RBKS: variants seen among roughly 807,000 people sequenced by gnomAD.
RBKS encodes the protein ribokinase.
In RBKS, 33 loss-of-function variants were observed where a neutral mutation model predicts 33.9. The observed-to-expected ratio is 0.97, with a 90% CI of 0.74 to 1.30. The LOEUF is 1.30. RBKS is among the 50% of genes most tolerant of loss of function. The pLI is 0.00. For missense variants in RBKS, 361 were observed against 392.6 expected, an observed-to-expected ratio of 0.92 and a Z score of 0.68; for synonymous variants, 125 against 143.0, an observed-to-expected ratio of 0.87 and a Z score of 0.90.
chr2:27,884,586 C>T (rs761282887), intron 1 of RBKS, among the ~76,000 whole-genome samples: 5 of 152,102 alleles, frequency 3.3e-5, no homozygotes, highest in Non-Finnish European at 5.9e-5. Flanking sequence ...TCCAATGCTT[C>T]ATCCGCTTTG....
rs1664697912 is a variant in RBKS at position 27,890,183 on chromosome 2, G to C, written c.89+74C>G. On this transcript the variant is annotated intron_variant, in intron 1 of 7. Transcript: ENST00000302188. This position sits in a 1 kb window ranked among gnomAD's most constrained non-coding sequence, Gnocchi z 4.8. ...ATCCCTGGAGACCCAGCGCCCAAAA[G>C]CTCCACTGGGCGCATAGCGCACGGC... The C allele has an allele frequency of 7.0e-7, 1 of 1,438,092 alleles. No individual in the cohort carries two copies. Among genetic ancestry groups the C allele is most frequent in the Admixed American group, 1.8e-5 (1 of 57,104 alleles). The allele number at this position is 1,438,092 out of a possible 1,614,324, so 89.1% of individuals were successfully genotyped here. A position where few individuals can be genotyped will look rare whatever the true frequency, so the allele number is the denominator to read the frequency against.
chr2:27,864,722 T>A lies in RBKS; in HGVS notation c.90-6151A>T, dbSNP rs536355391. Among the ~76,000 whole-genome samples the A allele has an allele frequency of 6.8e-4, 104 of 152,254 alleles. No individual in the cohort carries two copies. The Middle Eastern group carries it at 0.024, about 35-fold the overall frequency. On this transcript the variant is annotated intron_variant, in intron 1 of 7. Transcript: ENST00000302188. The stretch of plus-strand genomic sequence containing the variant: ...ATCAGAGACAGCATTTAAATACTTA[T>A]ACTTTAGTTCTCCAGTCCCCCACAA...
At chr2:27,855,052 G>A (rs1414756407) in intron 2 of RBKS, among the ~76,000 whole-genome samples, 19 of 113,192 alleles carry the variant, frequency 1.7e-4, no homozygotes, top group African/African-American at 5.1e-4. Context: ...ACTACCCCCC[G>A]CCCCCCCACC....
intron 2 of RBKS, among the ~76,000 whole-genome samples, chr2:27,857,573 G>A (rs1663882485): frequency 6.6e-6 from 1 of 152,172 alleles, no homozygotes. Flanking sequence ...ACTTAGAGAT[G>A]AGTAAATCAC....
At chr2:27,801,959 A>ATATATATAT (rs1178556801) in intron 7 of RBKS, among the ~76,000 whole-genome samples, 8 of 63,462 alleles carry the variant, frequency 1.3e-4, no homozygotes, top group African/African-American at 4.9e-4. Context: ...GGAAAAAAAA[A>ATATATATAT]AAAAATATAT....
chr2:27,859,721 T>C (rs1408970681), intron 1 of RBKS, among the ~76,000 whole-genome samples: 1 of 152,192 alleles, frequency 6.6e-6, no homozygotes, highest in Admixed American at 6.5e-5. Flanking sequence ...TAACTAGCTT[T>C]AGATAGGAAA....
intron 7 of RBKS, among the ~76,000 whole-genome samples, chr2:27,814,220 CTT>C (rs1166854850): frequency 6.6e-6 from 1 of 152,114 alleles, no homozygotes; most frequent in African/African-American, 2.4e-5. Context: ...GACCCGATCT[CTT>C]AAAAGAAAAA....
intron 1 of RBKS, among the ~76,000 whole-genome samples, chr2:27,862,372 G>A (rs770101565): frequency 4.6e-5 from 7 of 152,174 alleles, no homozygotes; most frequent in Non-Finnish European, 1.0e-4. Context: ...AAAAGTTTGT[G>A]TGTTATTTTA....
At chr2:27,830,261 C>T (rs1678395080) in intron 6 of RBKS, among the ~76,000 whole-genome samples, 1 of 151,844 alleles carries the variant, frequency 6.6e-6, no homozygotes, top group Non-Finnish European at 1.5e-5. Context: ...TCTATAAGAA[C>T]ATTAAGCTTT....
At chr2:27,796,144 A>G (rs1677661981) in intron 7 of RBKS, among the ~76,000 whole-genome samples, 1 of 152,178 alleles carries the variant, frequency 6.6e-6, no homozygotes, top group Admixed American at 6.5e-5. Flanking sequence ...ATCTATTTAT[A>G]CCACAAAGCT....
intron 7 of RBKS, chr2:27,809,622 C>A (rs1319768273): frequency 4.8e-6 from 1 of 206,618 alleles, no homozygotes; most frequent in East Asian, 1.3e-4. Context: ...TGTGACCCCA[C>A]TATTCTAGAC....
At chr2:27,782,709 G>A in intron 7 of RBKS, 2 of 401,452 alleles carry the variant, frequency 5.0e-6, no homozygotes, top group Non-Finnish European at 5.5e-6. Flanking sequence ...TCTTTGCCAA[G>A]TTTCTCCACT....
intron 1 of RBKS, among the ~76,000 whole-genome samples, chr2:27,873,809 T>C (rs968426895): frequency 6.6e-6 from 1 of 151,532 alleles, no homozygotes; most frequent in African/African-American, 2.4e-5. Flanking sequence ...GTACCTAATA[T>C]GTGATGTATC....
At chr2:27,817,393 T>C (rs868169531) in intron 7 of RBKS, among the ~76,000 whole-genome samples, 7 of 152,240 alleles carry the variant, frequency 4.6e-5, no homozygotes, top group African/African-American at 9.6e-5. Flanking sequence ...TCCTCCAGGT[T>C]TGATCATTCA....
rs1226848060 is a variant in RBKS at position 27,890,195 on chromosome 2, G to T, written c.89+62C>A. 5 of 1,510,880 alleles carry T rather than the reference G, an allele frequency of 3.3e-6. No homozygotes were observed. The highest frequency in any genetic ancestry group is 1.7e-5 in the Admixed American group (1 of 58,706). The allele number at this position is 1,510,880 out of a possible 1,614,324, so 93.6% of individuals were successfully genotyped here. ...CCAGCGCCCAAAAGCTCCACTGGGC[G>T]CATAGCGCACGGCACGCCTCCTCCC... On this transcript the variant is annotated intron_variant, in intron 1 of 7. Transcript: ENST00000302188. This position sits in a 1 kb window ranked among gnomAD's most constrained non-coding sequence, Gnocchi z 4.8.
At chr2:27,867,527 C>A (rs1664125744) in intron 1 of RBKS, among the ~76,000 whole-genome samples, 1 of 152,134 alleles carries the variant, frequency 6.6e-6, no homozygotes, top group Non-Finnish European at 1.5e-5. Flanking sequence ...GGGGCACATC[C>A]TTTTTATTCT....
intron 7 of RBKS, chr2:27,809,811 C>A: frequency 1.7e-6 from 1 of 590,562 alleles, no homozygotes; most frequent in Non-Finnish European, 2.5e-6. Flanking sequence ...GATTATTAAA[C>A]AGCAAAGGCA....
At chr2:27,870,805 T>C (rs909894137) in intron 1 of RBKS, 1 of 465,882 alleles carries the variant, frequency 2.1e-6, no homozygotes. Context: ...TCCTGACATG[T>C]AATCACGCAA....
chr2:27,863,774 T>C (rs564508281), intron 1 of RBKS, among the ~76,000 whole-genome samples: 1 of 152,356 alleles, frequency 6.6e-6, no homozygotes, highest in East Asian at 1.9e-4. Context: ...CACTAATTTA[T>C]TATTCTTACT....
Sources: gnomAD v4.1 joint callset for allele counts (sites outside exome capture counted in the v4.1 genomes callset) on GRCh38, gnomAD v4.1.1 for gene constraint, Gnocchi (gnomAD v3.1) non-coding constraint, MANE v1.5 for transcripts, NCBI Gene and HGNC (gene_info 2026-07-23, HGNC 2026-07-21) for gene names.